FMNL2: variants seen among roughly 807,000 people sequenced by gnomAD.
FMNL2 encodes the protein formin like 2.
Under a neutral mutation model 130.2 loss-of-function variants are expected in FMNL2, and 51 were observed. The observed-to-expected ratio is 0.39, with a 90% CI of 0.31 to 0.49. The LOEUF is 0.49. Ranked by LOEUF, FMNL2 falls within the 20% of genes least tolerant of loss-of-function variation. The probability of loss-of-function intolerance (pLI) is 0.85; values close to 1 mark genes in which losing one functional copy is unlikely to be tolerated. For synonymous variants in FMNL2, 465 were observed against 467.1 expected, an observed-to-expected ratio of 1.00 and a Z score of 0.06; for missense variants, 977 against 1,316.2, an observed-to-expected ratio of 0.74 and a Z score of 3.99.
chr2:152,369,222 C>CT (rs772955718), intron 1 of FMNL2, among the ~76,000 whole-genome samples: 1 of 152,236 alleles, frequency 6.6e-6, no homozygotes, highest in African/African-American at 2.4e-5. Context: ...GCTGTATCAT[C>CT]TTGTCACAGC....
At chr2:152,568,883 A>G (rs945148366) in intron 6 of FMNL2, among the ~76,000 whole-genome samples, 10 of 152,124 alleles carry the variant, frequency 6.6e-5, no homozygotes, top group Non-Finnish European at 1.2e-4. Context: ...ACACAGCCAA[A>G]CCATATCATT....
At chr2:152,344,663 A>G (rs1209156558) in intron 1 of FMNL2, among the ~76,000 whole-genome samples, 5 of 152,258 alleles carry the variant, frequency 3.3e-5, no homozygotes, top group Admixed American at 1.3e-4. Context: ...ACCCAGAAGT[A>G]TACTTCTGGA....
intron 1 of FMNL2, among the ~76,000 whole-genome samples, chr2:152,482,532 A>G (rs1487747300): frequency 6.6e-6 from 1 of 152,120 alleles, no homozygotes; most frequent in Admixed American, 6.5e-5. Flanking sequence ...ACTGGCTGCG[A>G]TGGGTTTTGC....
In FMNL2 at chr2:152,611,536, A is replaced by G. The variant is rs1421818458; in HGVS notation, c.993A>G (p.Val331=). 1.2e-5 allele frequency: 20 copies of G among 1,601,422 alleles called. 1 individual carries two copies. Among genetic ancestry groups the G allele is most frequent in the Non-Finnish European group, 1.6e-5 (19 of 1,172,922 alleles). ...TTATTAATATTGTAGTCCATTCAGT[A>G]GAAGATATGAATTTCAGAGTTCACC... ...MQFINIVVHS[V]EDMNFRVHLQ... Residue 331 remains valine, a synonymous_variant, in exon 11 of 26, where the codon GTA becomes GTG. Coordinates refer to ENST00000288670, the MANE Select transcript of FMNL2 (RefSeq NM_052905.4).
chr2:152,423,290 T>C (rs551313770), intron 1 of FMNL2, among the ~76,000 whole-genome samples: 24 of 152,374 alleles, frequency 1.6e-4, no homozygotes, highest in Admixed American at 9.8e-4. Context: ...CGTTGATTCC[T>C]CTTGACACAC....
chr2:152,362,168 A>T (rs1683216501), intron 1 of FMNL2, among the ~76,000 whole-genome samples: 1 of 151,964 alleles, frequency 6.6e-6, no homozygotes, highest in African/African-American at 2.4e-5. Flanking sequence ...AAAGTGTTAC[A>T]CTAATGAGCA....
At chr2:152,384,129 C>G (rs961298128) in intron 1 of FMNL2, among the ~76,000 whole-genome samples, 5 of 152,134 alleles carry the variant, frequency 3.3e-5, no homozygotes, top group African/African-American at 1.2e-4. Flanking sequence ...TTCGTAGCAG[C>G]TCTGCAAAGT....
intron 1 of FMNL2, among the ~76,000 whole-genome samples, chr2:152,495,669 A>AAAAAAAAAAAAAAAAT (rs1212154670): frequency 6.8e-6 from 1 of 147,168 alleles, no homozygotes; most frequent in African/African-American, 2.5e-5. Context: ...AAAAAAAAAG[A>AAAAAAAAAAAAAAAAT]TTTTTTTCAT....
In FMNL2 at chr2:152,647,844, T is replaced by C. The variant is rs1683739496; in HGVS notation, c.3218T>C (p.Val1073Ala). ...CGAGCCGATGCGGTGAGGAGAAGCG[T>C]CAGGCGGCGCTTTGATGATCAGAAC... ...YRRADAVRRS[V>A]RRRFDDQNLR... Residue 1073 changes from valine to alanine, a missense_variant, in exon 26 of 26, where the codon GTC (valine) becomes GCC (alanine). Coordinates refer to ENST00000288670, the MANE Select transcript of FMNL2 (RefSeq NM_052905.4). 2 of 1,613,776 alleles carry C rather than the reference T, an allele frequency of 1.2e-6. No homozygotes were observed. The highest frequency in any genetic ancestry group is 4.5e-5 in the East Asian group (2 of 44,894).
At chr2:152,621,180 C>T (rs1324169069) in intron 15 of FMNL2, 1 of 964,244 alleles carries the variant, frequency 1.0e-6, no homozygotes, top group Non-Finnish European at 1.2e-6. Flanking sequence ...GGCGCACTTG[C>T]TGTGAGATGT....
At chr2:152,425,872 A>G (rs552017294) in intron 1 of FMNL2, among the ~76,000 whole-genome samples, 4 of 152,286 alleles carry the variant, frequency 2.6e-5, no homozygotes, top group African/African-American at 7.2e-5. Flanking sequence ...TCTCTCTGGT[A>G]TGAGCACTTC....
At position 152,361,236 on chromosome 2, in the gene FMNL2, A is replaced by G. The variant is rs546133964; in HGVS notation, c.117+25516A>G. Among the ~76,000 whole-genome samples, 5 of 152,276 alleles carry G rather than the reference A, an allele frequency of 3.3e-5. No homozygotes were observed. The East Asian group carries it at 9.6e-4, about 29-fold the overall frequency. Reference sequence around the variant, plus strand: ...TTTTGCATATGTTGTGAGAACTTGGATAATGATAATAATCAATTTTTACAA... The same window carrying G: ...TTTTGCATATGTTGTGAGAACTTGGGTAATGATAATAATCAATTTTTACAA... On this transcript the variant is annotated intron_variant, in intron 1 of 25. Coordinates refer to ENST00000288670, the MANE Select transcript of FMNL2 (RefSeq NM_052905.4).
chr2:152,350,317 C>T (rs578091658), intron 1 of FMNL2, among the ~76,000 whole-genome samples: 13 of 152,234 alleles, frequency 8.5e-5, no homozygotes, highest in African/African-American at 2.9e-4. Flanking sequence ...AGCTTCAGAC[C>T]TTGCCCATGG....
At chr2:152,575,977 A>G (rs945625563) in intron 7 of FMNL2, among the ~76,000 whole-genome samples, 3 of 152,198 alleles carry the variant, frequency 2.0e-5, no homozygotes, top group African/African-American at 7.2e-5. Context: ...TCTTAACAAC[A>G]AAGTGGAAGT....
At chr2:152,392,416 G>C (rs1387018036) in intron 1 of FMNL2, among the ~76,000 whole-genome samples, 2 of 152,146 alleles carry the variant, frequency 1.3e-5, no homozygotes, top group Non-Finnish European at 2.9e-5. Flanking sequence ...GTTTCAGTCT[G>C]TTCTGTGCTG....
intron 12 of FMNL2, among the ~76,000 whole-genome samples, chr2:152,615,442 T>TAG (rs995546052): frequency 6.6e-6 from 1 of 152,222 alleles, no homozygotes. Flanking sequence ...ATTCCTGTCT[T>TAG]ACGGTACTCA....
intron 9 of FMNL2, among the ~76,000 whole-genome samples, chr2:152,582,227 A>C (rs1696829882): frequency 6.6e-6 from 1 of 152,172 alleles, no homozygotes; most frequent in South Asian, 2.1e-4. Flanking sequence ...CCTTGAAGGA[A>C]ATAAGGGAAA....
At chr2:152,529,646 T>C (rs1693583373) in intron 2 of FMNL2, among the ~76,000 whole-genome samples, 1 of 152,164 alleles carries the variant, frequency 6.6e-6, no homozygotes, top group Non-Finnish European at 1.5e-5. Flanking sequence ...TTTTGGAAAG[T>C]TGGGTCTGAA....
intron 1 of FMNL2, among the ~76,000 whole-genome samples, chr2:152,479,209 G>C (rs1558897666): frequency 6.6e-6 from 1 of 151,812 alleles, no homozygotes. Flanking sequence ...CTGCAGCCTC[G>C]AACTCCTGGG....
Sources: allele counts gnomAD v4.1 joint callset (sites outside exome capture counted in the v4.1 genomes callset), GRCh38; gene constraint gnomAD v4.1.1; transcripts MANE v1.5; gene names NCBI Gene and HGNC (gene_info 2026-07-23, HGNC 2026-07-21).